Variants in NCOR1 observed in about 807,000 individuals in gnomAD.
NCOR1 encodes the protein protein phosphatase 1, regulatory subunit 109.
A neutral mutation model predicts 288.1 loss-of-function variants in NCOR1; 63 were observed. The ratio of observed to expected loss-of-function variants is 0.22; its 90% CI spans 0.18 to 0.27. The LOEUF (loss-of-function observed/expected upper bound fraction) is 0.27, where lower values mean the gene tolerates loss of function less well. Ranked by LOEUF, NCOR1 falls within the 10% of genes least tolerant of loss-of-function variation. The pLI is 1.00. For synonymous variants in NCOR1, 1,007 were observed against 1,065.9 expected, an observed-to-expected ratio of 0.94 and a Z score of 1.08; for missense variants, 2,397 against 3,019.2, an observed-to-expected ratio of 0.79 and a Z score of 4.83.
At chr17:16,119,382 AC>A (rs757302637) in intron 17 of NCOR1, 40 bp downstream of exon 17, 2 of 1,482,348 alleles carry the variant, frequency 1.3e-6, no homozygotes, top group Admixed American at 1.9e-5. Flanking sequence ...ACCCTAAAAA[AC>A]AAAACAAAAA....
At chr17:16,045,378 T>A (rs958422985) in intron 42 of NCOR1, among the ~76,000 whole-genome samples, 12 of 152,228 alleles carry the variant, frequency 7.9e-5, no homozygotes, top group Non-Finnish European at 1.8e-4. Context: ...AAAATGGAGA[T>A]AATTGTAATA....
Position 16,214,829 on chromosome 17 carries a change from C to CT in NCOR1, c.-71+532dup, listed in dbSNP as rs145708850. Among the ~76,000 whole-genome samples, 1,065 of 152,354 alleles carry CT rather than the reference C, an allele frequency of 7.0e-3. 11 individuals carry two copies. Among genetic ancestry groups the CT allele is most frequent in the African/African-American group, 0.024 (992 of 41,578 alleles). On this transcript the variant is annotated intron_variant, in intron 1 of 45. Coordinates refer to ENST00000268712, the MANE Select transcript of NCOR1 (RefSeq NM_006311.4). ...ACGGCAGAAGGTATAGTGTTCGGAT[C>CT]TTTGCCATCTCCACCAGTACCCAGC...
intron 31 of NCOR1, among the ~76,000 whole-genome samples, chr17:16,068,612 C>A (rs983747833): frequency 6.6e-6 from 1 of 152,110 alleles, no homozygotes; most frequent in Non-Finnish European, 1.5e-5. Flanking sequence ...ATATCTATCA[C>A]CTCCCTACTC....
intron 44 of NCOR1, 49 bp from the exon 45 acceptor site, chr17:16,034,993 A>G: frequency 6.4e-7 from 1 of 1,551,432 alleles, no homozygotes; most frequent in South Asian, 1.1e-5. Flanking sequence ...GTTCTCAAAA[A>G]TTACCAAAAT....
chr17:16,044,999 G>GAAAA, intron 42 of NCOR1: 4 of 294,154 alleles, frequency 1.4e-5, no homozygotes, highest in Non-Finnish European at 1.9e-5. Flanking sequence ...CTGAACTTAA[G>GAAAA]AAAAAAAAAA....
intron 14 of NCOR1, among the ~76,000 whole-genome samples, chr17:16,133,284 A>T (rs1258088786): frequency 6.6e-6 from 1 of 152,202 alleles, no homozygotes; most frequent in Admixed American, 6.5e-5. Context: ...CTATACATTT[A>T]TCTGCTGAAT....
chr17:16,057,780 C>T (rs768226664), intron 39 of NCOR1, 43 bp from the exon 40 acceptor site: 4 of 1,549,982 alleles, frequency 2.6e-6, no homozygotes, highest in South Asian at 1.2e-5. Flanking sequence ...TCATTGAGTA[C>T]TTGCAAAAAA....
intron 14 of NCOR1, among the ~76,000 whole-genome samples, chr17:16,129,105 C>G (rs1010339590): frequency 1.3e-5 from 2 of 152,156 alleles, no homozygotes; most frequent in African/African-American, 4.8e-5. Context: ...ATGTCAATGG[C>G]TTTTCTAACA....
At chr17:16,033,388 A>G (rs932084498) in intron 45 of NCOR1, among the ~76,000 whole-genome samples, 2 of 151,996 alleles carry the variant, frequency 1.3e-5, no homozygotes, top group African/African-American at 4.8e-5. Flanking sequence ...ATTTAATCAA[A>G]TAATAAATCT....
chr17:16,167,165 C>T (rs1289861575), intron 4 of NCOR1, among the ~76,000 whole-genome samples: 1 of 152,090 alleles, frequency 6.6e-6, no homozygotes, highest in African/African-American at 2.4e-5. Flanking sequence ...CTGATGCATG[C>T]CCAAAGAATT....
intron 5 of NCOR1, among the ~76,000 whole-genome samples, chr17:16,163,464 C>G (rs1413358683): frequency 2.6e-5 from 4 of 152,026 alleles, no homozygotes; most frequent in Non-Finnish European, 5.9e-5. Context: ...CAACTAGATA[C>G]CACTTCACAT....
intron 21 of NCOR1, among the ~76,000 whole-genome samples, chr17:16,095,868 G>GT (rs2066505823): frequency 1.3e-5 from 2 of 152,072 alleles, no homozygotes; most frequent in South Asian, 4.2e-4. Context: ...GACGATGGCG[G>GT]TTTTGTGGAA....
chr17:16,119,305 CTT>C (rs2153134385), intron 17 of NCOR1, 116 bp downstream of exon 17: 1 of 695,714 alleles, frequency 1.4e-6, no homozygotes, highest in South Asian at 2.1e-5. Context: ...TCTGAGTCCT[CTT>C]TGCCTTTTTG....
At chr17:16,210,277 G>A (rs1348414602) in intron 1 of NCOR1, among the ~76,000 whole-genome samples, 1 of 151,962 alleles carries the variant, frequency 6.6e-6, no homozygotes, top group East Asian at 1.9e-4. Flanking sequence ...CCAGCTACTT[G>A]GGAGGCTGAC....
chr17:16,118,778 A>C (rs972790395), intron 17 of NCOR1, among the ~76,000 whole-genome samples: 3 of 152,238 alleles, frequency 2.0e-5, no homozygotes, highest in Admixed American at 6.5e-5. Flanking sequence ...CAATATTACC[A>C]ATTATTTATC....
chr17:16,144,902 G>C (rs1051615291), intron 10 of NCOR1, among the ~76,000 whole-genome samples: 3 of 140,252 alleles, frequency 2.1e-5, no homozygotes, highest in Non-Finnish European at 3.1e-5. Flanking sequence ...CGCTTTCCAC[G>C]GTCTCCCCTC....
intron 1 of NCOR1, among the ~76,000 whole-genome samples, chr17:16,204,918 A>G (rs2091303966): frequency 6.6e-6 from 1 of 152,226 alleles, no homozygotes; most frequent in Non-Finnish European, 1.5e-5. Context: ...ATATGTGCAC[A>G]CACATGAATA....
intron 40 of NCOR1, among the ~76,000 whole-genome samples, chr17:16,055,097 A>T (rs1272165930): frequency 6.6e-6 from 1 of 152,240 alleles, no homozygotes; most frequent in Admixed American, 6.5e-5. Flanking sequence ...TAGTTCAACC[A>T]CTGTGGAAGA....
rs141464080 is a variant in NCOR1, at chr17:16,136,245, G to T, written c.1509+1066C>A. 5.3e-5 allele frequency among the ~76,000 whole-genome samples: 8 copies of T among 152,256 alleles called. No individual in the cohort carries two copies. The East Asian group carries it at 1.4e-3, about 26-fold the overall frequency. ...CTGTCACTCAGGCTGGAGTGCAATG[G>T]CACAATCATGGCTCACTGCAGCCTC... On this transcript the variant is annotated intron_variant, in intron 14 of 45. Coordinates refer to ENST00000268712, the MANE Select transcript of NCOR1 (RefSeq NM_006311.4).
Sources: allele counts gnomAD v4.1 joint callset (sites outside exome capture counted in the v4.1 genomes callset), GRCh38; gene constraint gnomAD v4.1.1; transcripts MANE v1.5; gene names NCBI Gene and HGNC (gene_info 2026-07-23, HGNC 2026-07-21).